Variants in DPP6 observed in about 807,000 individuals in gnomAD.
DPP6 encodes the protein A-type potassium channel modulatory protein DPP6.
DPP6 carries 69 observed loss-of-function variants against 122.6 expected under a neutral mutation model. The ratio of observed to expected loss-of-function variants is 0.56; its 90% CI spans 0.46 to 0.69. The LOEUF is 0.69. DPP6 is among the 30% of genes least tolerant of loss of function. DPP6 has a pLI of 0.00. For synonymous variants in DPP6, 418 were observed against 433.1 expected, an observed-to-expected ratio of 0.97 and a Z score of 0.43; for missense variants, 928 against 1,116.9, an observed-to-expected ratio of 0.83 and a Z score of 2.41.
At chr7:154,414,449 ATACAATCAAAATTCCCCATCTT>A (rs1332819104) in intron 1 of DPP6, among the ~76,000 whole-genome samples, 10 of 152,196 alleles carry the variant, frequency 6.6e-5, no homozygotes, top group Non-Finnish European at 1.3e-4. Flanking sequence ...CTCTTATAGG[ATACAATCAAAATTCCCCATCTT>A]GATATCTAAA....
chr7:154,582,747 A>G (rs1832158337), intron 5 of DPP6, among the ~76,000 whole-genome samples: 1 of 152,188 alleles, frequency 6.6e-6, no homozygotes, highest in Admixed American at 6.5e-5. Context: ...TCTTCCCTTC[A>G]CAGTCAAATG....
rs1585518538 is a variant in DPP6 at position 154,160,171 on chromosome 7, A to G, written c.243+107108A>G. On this transcript the variant is annotated intron_variant, in intron 1 of 25. Coordinates refer to ENST00000377770, the MANE Select transcript of DPP6 (RefSeq NM_130797.4). ...CATAGAGCGGTTAATTGGCTACCCAATCCAGAACACCAAGTAGCAAAGACA... is the reference window on the plus strand; with the variant it reads ...CATAGAGCGGTTAATTGGCTACCCAGTCCAGAACACCAAGTAGCAAAGACA... 2.0e-5 allele frequency among the ~76,000 whole-genome samples: 3 copies of G among 151,784 alleles called. No homozygotes were observed. The East Asian group carries it at 5.8e-4, about 29-fold the overall frequency.
chr7:153,956,742 T>C (rs184224610), intron 1 of DPP6, among the ~76,000 whole-genome samples: 5 of 152,328 alleles, frequency 3.3e-5, no homozygotes, highest in Admixed American at 3.3e-4. Context: ...CAGCAATCTT[T>C]CTTCTGTCTC....
chr7:154,426,640 T>C (rs1209067757), intron 1 of DPP6, among the ~76,000 whole-genome samples: 2 of 152,120 alleles, frequency 1.3e-5, no homozygotes, highest in African/African-American at 2.4e-5. Context: ...ATAGCCTTAA[T>C]GTATTATTCT....
chr7:154,154,104 T>C (rs1450736253), intron 1 of DPP6, among the ~76,000 whole-genome samples: 1 of 152,202 alleles, frequency 6.6e-6, no homozygotes, highest in Non-Finnish European at 1.5e-5. Context: ...GCAGGAAAAG[T>C]CCAAAGTTGG....
At chr7:154,076,091 A>G (rs1803528337) in intron 1 of DPP6, among the ~76,000 whole-genome samples, 2 of 151,884 alleles carry the variant, frequency 1.3e-5, no homozygotes, top group Admixed American at 1.3e-4. Context: ...GGGCACTGAC[A>G]TCTGTGATGA....
chr7:154,126,276 G>A (rs1807879211), intron 1 of DPP6, among the ~76,000 whole-genome samples: 1 of 152,108 alleles, frequency 6.6e-6, no homozygotes, highest in African/African-American at 2.4e-5. Flanking sequence ...TGTGAAATAG[G>A]GCTATGATGA....
At chr7:153,874,120 A>T in the DPP6 span, among the ~76,000 whole-genome samples, 4 of 152,228 alleles carry the variant, frequency 2.6e-5, no homozygotes, top group African/African-American at 9.6e-5. Context: ...GGAGGAAGAC[A>T]AAGCATCTAG....
At chr7:154,649,760 CAA>C (rs1836751045) in intron 6 of DPP6, among the ~76,000 whole-genome samples, 1 of 152,216 alleles carries the variant, frequency 6.6e-6, no homozygotes, top group Non-Finnish European at 1.5e-5. Flanking sequence ...CTCATCTCTC[CAA>C]ATGATCTCTC....
chr7:153,798,812 G>C, the DPP6 span, among the ~76,000 whole-genome samples: 9 of 152,176 alleles, frequency 5.9e-5, no homozygotes, highest in African/African-American at 1.9e-4. Flanking sequence ...GTCCCACTGG[G>C]GGGTGATGGA....
intron 4 of DPP6, among the ~76,000 whole-genome samples, chr7:154,552,749 C>T (rs972830403): frequency 6.6e-6 from 1 of 152,156 alleles, no homozygotes; most frequent in Admixed American, 6.5e-5. Context: ...TATAAGAAAG[C>T]TTAAGAGAAG....
chr7:153,948,781 G>T (rs1802068042), intron 1 of DPP6, among the ~76,000 whole-genome samples: 1 of 145,070 alleles, frequency 6.9e-6, no homozygotes, highest in African/African-American at 2.6e-5. Flanking sequence ...CTGCGAGGAG[G>T]AACTTTATTT....
intron 7 of DPP6, among the ~76,000 whole-genome samples, chr7:154,692,054 C>A (rs2029365): frequency 6.6e-6 from 1 of 152,018 alleles, no homozygotes; most frequent in African/African-American, 2.4e-5. Context: ...ATGAATAGGG[C>A]AAAAAGACCT....
intron 1 of DPP6, among the ~76,000 whole-genome samples, chr7:153,905,707 G>C (rs1477098436): frequency 1.3e-5 from 2 of 152,192 alleles, no homozygotes; most frequent in Non-Finnish European, 2.9e-5. Flanking sequence ...ACTTGTGAAG[G>C]CTGAGGAATA....
At chr7:154,366,405 T>C (rs1439981369) in intron 1 of DPP6, among the ~76,000 whole-genome samples, 1 of 152,260 alleles carries the variant, frequency 6.6e-6, no homozygotes, top group Non-Finnish European at 1.5e-5. Context: ...GTTGACCGGA[T>C]GCCTTAACTT....
chr7:154,499,665 A>G lies in DPP6; in HGVS notation c.457+24628A>G, dbSNP rs1825057348. On this transcript the variant is annotated intron_variant, in intron 3 of 25. Transcript: ENST00000377770. ...GTTTAAAATTAGGGAATAATAAAAA[A>G]ATTCCCTATGAAACCTCACCCTTAG... is the stretch of plus-strand genomic sequence containing the variant. Among the ~76,000 whole-genome samples the G allele has an allele frequency of 2.0e-5, 3 of 152,158 alleles. No homozygotes were observed. In the South Asian group the frequency reaches 6.2e-4, roughly 32 times the overall value.
chr7:154,723,436 A>C (rs983621220), intron 7 of DPP6, among the ~76,000 whole-genome samples: 2 of 151,500 alleles, frequency 1.3e-5, no homozygotes, highest in Non-Finnish European at 1.5e-5. Context: ...TTGATTCAAA[A>C]ATCCATTGTA....
At chr7:153,997,711 G>A (rs2129044653) in intron 1 of DPP6, among the ~76,000 whole-genome samples, 1 of 147,086 alleles carries the variant, frequency 6.8e-6, no homozygotes, top group East Asian at 2.0e-4. Flanking sequence ...TAAGGCAAAT[G>A]CATTTATCAA....
chr7:154,669,296 C>A, intron 6 of DPP6, 64 bp from the exon 7 acceptor site: 1 of 1,550,938 alleles, frequency 6.4e-7, no homozygotes, highest in Non-Finnish European at 8.7e-7. Flanking sequence ...GATAAAATTG[C>A]AGCAGCTTAA....
Sources: gnomAD v4.1 joint callset for allele counts (sites outside exome capture counted in the v4.1 genomes callset) on GRCh38, gnomAD v4.1.1 for gene constraint, MANE v1.5 for transcripts, NCBI Gene and HGNC (gene_info 2026-07-23, HGNC 2026-07-21) for gene names.